Variants in RSRP1 observed in about 807,000 individuals in gnomAD.
RSRP1 encodes the protein arginine and serine rich protein 1.
In RSRP1, 37 loss-of-function variants were observed where a neutral mutation model predicts 33.0. The observed-to-expected ratio is 1.12, with a 90% CI of 0.86 to 1.48. The LOEUF (loss-of-function observed/expected upper bound fraction) is 1.48, where lower values mean the gene tolerates loss of function less well. Among genes scored for constraint, RSRP1 ranks in the 40% most tolerant of loss-of-function variants. RSRP1 has a pLI of 0.00. For synonymous variants in RSRP1, 167 were observed against 158.7 expected, an observed-to-expected ratio of 1.05 and a Z score of -0.40; for missense variants, 402 against 385.3, an observed-to-expected ratio of 1.04 and a Z score of -0.36.
intron 1 of RSRP1, among the ~76,000 whole-genome samples, chr1:25,279,413 A>ACT (rs1641285953): frequency 8.7e-6 from 1 of 115,002 alleles, no homozygotes; most frequent in African/African-American, 3.0e-5. Flanking sequence ...CCTGATTGAG[A>ACT]GACCCACACT....
chr1:25,247,545 C>G (rs1639581578), upstream of RSRP1: 1 of 152,358 alleles, frequency 6.6e-6, no homozygotes, highest in Non-Finnish European at 1.5e-5. Flanking sequence ...CGGCTCTTCT[C>G]TTGCCCAACC....
At chr1:25,248,621 TTACAAG>T (rs1226615133), upstream of RSRP1, among the ~76,000 whole-genome samples, 1 of 152,212 alleles carries the variant, frequency 6.6e-6, no homozygotes, top group East Asian at 1.9e-4. Flanking sequence ...ATACACTTCT[TTACAAG>T]TACATTTTGA....
intron 1 of RSRP1, among the ~76,000 whole-genome samples, chr1:25,256,376 C>T (rs1029421549): frequency 2.0e-5 from 3 of 152,134 alleles, no homozygotes; most frequent in African/African-American, 7.2e-5. Context: ...TCTCACACTC[C>T]TGGCCTCAGG....
rs1189421203 is a variant in RSRP1 at position 25,287,363 on chromosome 1, C to T, written c.-66-40334G>A. Reference sequence around the variant, plus strand: ...TTGTTCTTGACTCAATCTAGAAAGACGAGAAGGGAGAGAAGTCACTCGCAG... The same window carrying T: ...TTGTTCTTGACTCAATCTAGAAAGATGAGAAGGGAGAGAAGTCACTCGCAG... On this transcript the variant is annotated intron_variant, in intron 1 of 1. Transcript: ENST00000561867. Among the ~76,000 whole-genome samples the T allele has an allele frequency of 7.4e-5, 10 of 135,282 alleles. 3 individuals carry two copies. The highest frequency in any genetic ancestry group is 1.4e-4 in the Non-Finnish European group (8 of 57,004). 88.8% of individuals were successfully genotyped at this position (135,282 alleles called of 152,430 possible). A position where few individuals can be genotyped will look rare whatever the true frequency, so the allele number is the denominator to read the frequency against.
chr1:25,290,670 C>T lies in RSRP1; in HGVS notation c.-66-43641G>A, dbSNP rs752408858. ...CGGCTGGCCACCATGAGTGCTTTGT[C>T]GGTGCTGATCTCAGTGGATGCTGTC... On this transcript the variant is annotated intron_variant, in intron 1 of 1. Transcript: ENST00000561867. 6 of 1,378,274 alleles carry T rather than the reference C, an allele frequency of 4.4e-6. 1 individual carries two copies. The highest frequency in any genetic ancestry group is 1.4e-5 in the African/African-American group (1 of 70,848). 85.4% of individuals were successfully genotyped at this position (1,378,274 alleles called of 1,614,324 possible). A position where few individuals can be genotyped will look rare whatever the true frequency, so the allele number is the denominator to read the frequency against.
At chr1:25,310,707 C>T (rs1254649459) in intron 1 of RSRP1, among the ~76,000 whole-genome samples, 1 of 132,716 alleles carries the variant, frequency 7.5e-6, no homozygotes, top group South Asian at 2.3e-4. Context: ...CACGGTGTCT[C>T]AGGCTTATAA....
chr1:25,285,890 T>G (rs1256486080), intron 1 of RSRP1, among the ~76,000 whole-genome samples: 1 of 134,596 alleles, frequency 7.4e-6, no homozygotes, highest in African/African-American at 2.6e-5. Flanking sequence ...TCTAAGACCC[T>G]GCTAAACCTC....
intron 1 of RSRP1, among the ~76,000 whole-genome samples, chr1:25,262,876 C>G (rs1452847239): frequency 6.6e-6 from 1 of 152,202 alleles, no homozygotes; most frequent in African/African-American, 2.4e-5. Flanking sequence ...TTAGTCCATT[C>G]AGTCATATAT....
chr1:25,315,080 T>A lies in RSRP1; in HGVS notation c.-67+22898A>T, dbSNP rs1386767648. Among the ~76,000 whole-genome samples the A allele has an allele frequency of 1.6e-5, 2 of 128,510 alleles. 1 individual carries two copies. The highest frequency in any genetic ancestry group is 5.3e-5 in the African/African-American group (2 of 37,698). The allele number at this position is 128,510 out of a possible 152,430, so 84.3% of individuals were successfully genotyped here. A position where few individuals can be genotyped will look rare whatever the true frequency, so the allele number is the denominator to read the frequency against. ...TTAGCTGGGCGTTGTGGCTCTTGCC[T>A]GTAGTCTCAGCTACTCGGGAGGCTG... On this transcript the variant is annotated intron_variant, in intron 1 of 1. Coordinates refer to the RSRP1 transcript ENST00000561867.
rs1341719926 is a variant in RSRP1, at chr1:25,271,729, G to A, written c.-66-24700C>T. 3.5e-4 allele frequency among the ~76,000 whole-genome samples: 46 copies of A among 131,770 alleles called. 5 individuals carry two copies. Among genetic ancestry groups the A allele is most frequent in the African/African-American group, 9.8e-4 (38 of 38,610 alleles). 86.4% of individuals were successfully genotyped at this position (131,770 alleles called of 152,430 possible). A position where few individuals can be genotyped will look rare whatever the true frequency, so the allele number is the denominator to read the frequency against. On this transcript the variant is annotated intron_variant, in intron 1 of 1. Coordinates refer to the RSRP1 transcript ENST00000561867. ...CCAGGGGACTGGACTGTCCAGTACT[G>A]AGGGATGGGGATGCTGAGGCTGGTG...
chr1:25,254,882 C>T (rs1416667639), intron 1 of RSRP1, among the ~76,000 whole-genome samples: 1 of 152,200 alleles, frequency 6.6e-6, no homozygotes, highest in African/African-American at 2.4e-5. Context: ...GTCACTACAA[C>T]GGAAGAACCG....
chr1:25,307,416 A>G lies in RSRP1; in HGVS notation c.-67+30562T>C, dbSNP rs562095009. 1.1e-4 allele frequency among the ~76,000 whole-genome samples: 14 copies of G among 132,374 alleles called. 4 individuals are homozygous for G. Among genetic ancestry groups the G allele is most frequent in the Admixed American group, 1.0e-3 (14 of 13,636 alleles). 86.8% of individuals were successfully genotyped at this position (132,374 alleles called of 152,430 possible). On this transcript the variant is annotated intron_variant, in intron 1 of 1. Transcript: ENST00000561867. ...ATTTTCTGGACATGGCTTATATAAA[A>G]TGAAAAAGTGAATTGGGCACGATAC...
intron 1 of RSRP1, among the ~76,000 whole-genome samples, chr1:25,269,066 G>A (rs1236161044): frequency 9.9e-5 from 13 of 131,704 alleles, no homozygotes; most frequent in African/African-American, 2.8e-4. Context: ...ACTTTCGATG[G>A]GGTTATGTCC....
At chr1:25,310,647 G>A (rs1644091391) in intron 1 of RSRP1, among the ~76,000 whole-genome samples, 1 of 131,750 alleles carries the variant, frequency 7.6e-6, no homozygotes, top group Admixed American at 7.5e-5. Flanking sequence ...GAGTTTTGAG[G>A]AGCAGGCTAG....
Position 25,306,747 on chromosome 1 carries a change from C to T in RSRP1, c.-67+31231G>A, listed in dbSNP as rs375354390. 7 of 1,371,974 alleles carry T rather than the reference C, an allele frequency of 5.1e-6. 1 individual carries two copies. The highest frequency in any genetic ancestry group is 7.2e-6 in the Non-Finnish European group (7 of 974,282). 85.0% of individuals were successfully genotyped at this position (1,371,974 alleles called of 1,614,324 possible). A position where few individuals can be genotyped will look rare whatever the true frequency, so the allele number is the denominator to read the frequency against. ...AATGGCATGTGGGTCACTGGGCTTA[C>T]CCCCCATCCCCTTAACACTCCCCTC... On this transcript the variant is annotated intron_variant, in intron 1 of 1. Transcript: ENST00000561867.
chr1:25,255,820 C>A (rs1639929244), intron 1 of RSRP1, among the ~76,000 whole-genome samples: 1 of 152,054 alleles, frequency 6.6e-6, no homozygotes, highest in South Asian at 2.1e-4. Flanking sequence ...GCACAGAGTT[C>A]GCTCCTGTGG....
intron 1 of RSRP1, among the ~76,000 whole-genome samples, chr1:25,264,448 G>A (rs1230770481): frequency 2.0e-5 from 3 of 149,492 alleles, no homozygotes; most frequent in East Asian, 4.1e-4. Flanking sequence ...TGCACTCCCC[G>A]AAGCTACAGC....
intron 1 of RSRP1, among the ~76,000 whole-genome samples, chr1:25,333,716 C>A (rs1182967095): frequency 7.7e-6 from 1 of 129,706 alleles, no homozygotes; most frequent in East Asian, 1.9e-4. Context: ...TACAGTTCCA[C>A]ATGGCTGGGG....
rs1465952591 is a variant in RSRP1, at chr1:25,288,701, G to C, written c.-66-41672C>G. 2.4e-5 allele frequency among the ~76,000 whole-genome samples: 3 copies of C among 127,450 alleles called. 1 individual carries two copies. Among genetic ancestry groups the C allele is most frequent in the South Asian group, 2.4e-4 (1 of 4,206 alleles). The allele number at this position is 127,450 out of a possible 152,430, so 83.6% of individuals were successfully genotyped here. The stretch of plus-strand genomic sequence containing the variant: ...CACAGCCAGAAAGTGTCTGAGTCAA[G>C]ATTCCAGCCCAGGCAGCCTAGACCT... On this transcript the variant is annotated intron_variant, in intron 1 of 1. Coordinates refer to the RSRP1 transcript ENST00000561867.
Sources: gnomAD v4.1 joint callset for allele counts (sites outside exome capture counted in the v4.1 genomes callset) on GRCh38, gnomAD v4.1.1 for gene constraint, MANE v1.5 for transcripts, NCBI Gene and HGNC (gene_info 2026-07-23, HGNC 2026-07-21) for gene names.